ELAVL1: variants seen among roughly 807,000 people sequenced by gnomAD.
ELAVL1 encodes the protein ELAV-like protein 1.
Under a neutral mutation model 28.4 loss-of-function variants are expected in ELAVL1, and 1 was observed. The ratio of observed to expected loss-of-function variants is 0.04; its 90% confidence interval spans 0.01 to 0.17. The LOEUF is 0.17. Among genes scored for constraint, ELAVL1 ranks in the 10% least tolerant of loss-of-function variants. The probability of loss-of-function intolerance (pLI) is 1.00; values close to 1 mark genes in which losing one functional copy is unlikely to be tolerated. For synonymous variants in ELAVL1, 174 were observed against 183.5 expected, an observed-to-expected ratio of 0.95 and a Z score of 0.42; for missense variants, 157 against 447.2, an observed-to-expected ratio of 0.35 and a Z score of 5.85.
rs386388490 is a variant in ELAVL1, at chr19:7,972,800, C to CTTTTTTTTTT, written c.430+915_430+924dup. 3 of 42,090 alleles carry CTTTTTTTTTT rather than the reference C, an allele frequency of 7.1e-5. 1 individual carries two copies. Among genetic ancestry groups the CTTTTTTTTTT allele is most frequent in the African/African-American group, 2.9e-4 (3 of 10,334 alleles). The allele number at this position is 42,090 out of a possible 1,614,324, so 2.6% of individuals were successfully genotyped here. A position where few individuals can be genotyped will look rare whatever the true frequency, so the allele number is the denominator to read the frequency against. The stretch of plus-strand genomic sequence containing the variant: ...CGCCACCGCACCTGGCTGCAGTATC[C>CTTTTTTTTTT]TTTTTTTTTTTTTTTTTTTTTTTTT... On this transcript the variant is annotated intron_variant, in intron 4 of 5. Transcript: ENST00000407627.
At chr19:7,993,453 G>A (rs1238135893) in intron 1 of ELAVL1, among the ~76,000 whole-genome samples, 2 of 152,208 alleles carry the variant, frequency 1.3e-5, no homozygotes, top group Middle Eastern at 3.2e-3. Flanking sequence ...GGAAAGAGGT[G>A]AGGGTTTCTC....
At chr19:7,972,737 C>T (rs1157385172) in intron 4 of ELAVL1, among the ~76,000 whole-genome samples, 4 of 151,676 alleles carry the variant, frequency 2.6e-5, no homozygotes, top group Admixed American at 2.6e-4. Context: ...AGCAATCCTC[C>T]CACCTCAGTC....
chr19:7,964,898 C>G (rs1279855804), intron 5 of ELAVL1, among the ~76,000 whole-genome samples: 1 of 152,184 alleles, frequency 6.6e-6, no homozygotes, highest in Non-Finnish European at 1.5e-5. Flanking sequence ...TGTGAAGCTG[C>G]GTGATGCATG....
chr19:7,970,197 C>T (rs1045215153), intron 4 of ELAVL1, among the ~76,000 whole-genome samples: 5 of 151,846 alleles, frequency 3.3e-5, no homozygotes, highest in Non-Finnish European at 7.4e-5. Context: ...CTCTTTTTGC[C>T]CAGGCTGGAG....
rs760513322 is a variant in ELAVL1 at position 7,973,883 on chromosome 19, G to A, written c.277-5C>T. The A allele has an allele frequency of 2.3e-5, 37 of 1,613,708 alleles. No individual in the cohort carries two copies. Among genetic ancestry groups the A allele is most frequent in the Admixed American group, 6.7e-5 (4 of 59,984 alleles). On this transcript the variant is annotated splice_region_variant and splice_polypyrimidine_tract_variant and intron_variant, in intron 3 of 5. Coordinates refer to ENST00000407627, the MANE Select transcript of ELAVL1 (RefSeq NM_001419.3). The stretch of plus-strand genomic sequence containing the variant: ...GCTCGGGCGAGCATACGACACCTTG[G>A]GAACACAACCACTTTCCGAGATTAG...
In ELAVL1 at chr19:7,968,443, T is replaced by A. The variant is rs1985015136; in HGVS notation, c.431-653A>T. Among the ~76,000 whole-genome samples the A allele has an allele frequency of 2.0e-5, 3 of 152,180 alleles. No homozygotes were observed. In the South Asian group the frequency reaches 6.2e-4, roughly 32 times the overall value. ...ACTCCACTCTAAGGTCCTACACCCC[T>A]CCCGTGGGCCCCAAATTGCCATCAG... On this transcript the variant is annotated intron_variant, in intron 4 of 5. Coordinates refer to ENST00000407627, the MANE Select transcript of ELAVL1 (RefSeq NM_001419.3).
chr19:7,969,828 G>A (rs573704227), intron 4 of ELAVL1, among the ~76,000 whole-genome samples: 1 of 152,172 alleles, frequency 6.6e-6, no homozygotes, highest in South Asian at 2.1e-4. Context: ...AACTGCCTGA[G>A]TGAAAGGAAG....
chr19:7,963,743 A>C lies in ELAVL1; in HGVS notation c.721T>G (p.Ser241Ala), dbSNP rs1232923071. ...TAGATGAAAATGCACCAGCCGGAGG[A>C]GGCGTTTCCTGGCACGTTGACGCCA... ...LSGVNVPGNA[S>A]SGWCIFIYNL... The change falls in exon 6 of 6, where the codon TCC becomes GCC. Residue 241 changes from serine to alanine, a missense_variant. By Grantham distance (99) the Ser-to-Ala change is moderately conservative. Coordinates refer to ENST00000407627, the MANE Select transcript of ELAVL1 (RefSeq NM_001419.3). This position sits in a 1 kb window ranked among gnomAD's most constrained non-coding sequence, Gnocchi z 4.5. 1.9e-6 allele frequency: 3 copies of C among 1,614,276 alleles called. No homozygotes were observed. In the South Asian group the frequency reaches 3.3e-5, roughly 18 times the overall value.
At chr19:7,972,492 T>C (rs1025033386) in intron 4 of ELAVL1, among the ~76,000 whole-genome samples, 5 of 152,366 alleles carry the variant, frequency 3.3e-5, no homozygotes, top group Non-Finnish European at 7.3e-5. Flanking sequence ...TTCGCTGCCA[T>C]GTGCTCTGTG....
intron 1 of ELAVL1, 101 bp from the exon 2 acceptor site, chr19:7,991,932 C>CTTT (rs398033838): frequency 9.4e-4 from 608 of 646,644 alleles, no homozygotes; most frequent in Middle Eastern, 1.5e-3. Flanking sequence ...TTCTTTCTTT[C>CTTT]TTTTTTTTTT....
intron 3 of ELAVL1, among the ~76,000 whole-genome samples, chr19:7,978,303 C>T (rs1985357258): frequency 6.6e-6 from 1 of 152,152 alleles, no homozygotes. Flanking sequence ...AGGATGGGCT[C>T]CGACACCAGA....
intron 2 of ELAVL1, among the ~76,000 whole-genome samples, chr19:7,987,282 C>G (rs530561593): frequency 6.6e-6 from 1 of 152,290 alleles, no homozygotes; most frequent in African/African-American, 2.4e-5. Flanking sequence ...GTGAATGGGG[C>G]TGCAGCCTGG....
rs1317010294 is a variant in ELAVL1, at chr19:7,981,498, C to T, written c.173-312G>A. ...TCAGCCTCCAGAGTATCTGGGACTACAGGCCCGCTCCAGCAGGCCCAAGCT... is the reference window on the plus strand; with the variant it reads ...TCAGCCTCCAGAGTATCTGGGACTATAGGCCCGCTCCAGCAGGCCCAAGCT... On this transcript the variant is annotated intron_variant, in intron 2 of 5. Coordinates refer to ENST00000407627, the MANE Select transcript of ELAVL1 (RefSeq NM_001419.3). The surrounding 1 kb of genome is among the most constrained non-coding windows in gnomAD (Gnocchi z 4.2). Among the ~76,000 whole-genome samples the T allele has an allele frequency of 6.6e-6, 1 of 151,806 alleles. No individual in the cohort carries two copies. Among genetic ancestry groups the T allele is most frequent in the Non-Finnish European group, 1.5e-5 (1 of 67,974 alleles).
chr19:7,968,821 T>C (rs1389177533), intron 4 of ELAVL1, among the ~76,000 whole-genome samples: 1 of 152,106 alleles, frequency 6.6e-6, no homozygotes, highest in Non-Finnish European at 1.5e-5. Context: ...GAAACATGAG[T>C]AGCCCGTCCC....
chr19:7,993,556 A>G (rs1026852988), intron 1 of ELAVL1, among the ~76,000 whole-genome samples: 1 of 152,232 alleles, frequency 6.6e-6, no homozygotes, highest in African/African-American at 2.4e-5. Context: ...TAAACATCAG[A>G]GCCAGTGATG....
chr19:7,991,053 T>C (rs1321031478), intron 2 of ELAVL1, among the ~76,000 whole-genome samples: 1 of 151,880 alleles, frequency 6.6e-6, no homozygotes, highest in African/African-American at 2.4e-5. Flanking sequence ...TGTGAGGGAG[T>C]GGAACAGCAG....
Position 7,959,889 on chromosome 19 carries a change from AGGTGGAGGGTGG to A in ELAVL1, c.*3582_*3593del, listed in dbSNP as rs1229542739. ...GTCTGGGGAAGATGGGAGGGGATTG[AGGTGGAGGGTGG>A]GGTGGAGGGACAGGATAGAGGCCTC... On this transcript the variant is annotated 3_prime_UTR_variant, in exon 6 of 6. Coordinates refer to ENST00000407627, the MANE Select transcript of ELAVL1 (RefSeq NM_001419.3). 5 of 138,206 alleles carry A rather than the reference AGGTGGAGGGTGG, an allele frequency of 3.6e-5. No homozygotes were observed. Among genetic ancestry groups the A allele is most frequent in the African/African-American group, 1.3e-4 (5 of 37,228 alleles). 8.6% of individuals were successfully genotyped at this position (138,206 alleles called of 1,614,324 possible).
intron 1 of ELAVL1, among the ~76,000 whole-genome samples, chr19:8,003,961 TTAAGAG>T (rs2081078188): frequency 6.6e-6 from 1 of 152,032 alleles, no homozygotes; most frequent in African/African-American, 2.4e-5. Context: ...AATCGAGTGG[TTAAGAG>T]TAAGGGTTTT....
Position 7,998,535 on chromosome 19 carries a change from T to C in ELAVL1, c.-16-6704A>G, listed in dbSNP as rs1051103702. ...GGTTCTCCAGCCTCAGTCGCCACCC[T>C]CCCTTCCCGCTCACTCCAGCTTCTT... On this transcript the variant is annotated intron_variant, in intron 1 of 5. Transcript: ENST00000407627. Among the ~76,000 whole-genome samples the C allele has an allele frequency of 5.9e-5, 9 of 152,168 alleles. 1 individual carries two copies. The highest frequency in any genetic ancestry group is 2.0e-4 in the Admixed American group (3 of 15,272).
Sources: allele counts gnomAD v4.1 joint callset (sites outside exome capture counted in the v4.1 genomes callset), GRCh38; gene constraint gnomAD v4.1.1; non-coding constraint Gnocchi (gnomAD v3.1); transcripts MANE v1.5; gene names NCBI Gene and HGNC (gene_info 2026-07-23, HGNC 2026-07-21).